PACRG: variants seen among roughly 807,000 people sequenced by gnomAD.
PACRG encodes parkin coregulated gene protein.
PACRG carries 29 observed loss-of-function variants against 29.7 expected under a neutral mutation model. That is an observed-to-expected ratio of 0.98 (90% CI 0.73 to 1.33). The LOEUF (loss-of-function observed/expected upper bound fraction) is 1.33. Ranked by LOEUF, PACRG falls within the 40% of genes most tolerant of loss-of-function variation. PACRG has a pLI of 0.00. For missense variants in PACRG, 279 were observed against 316.2 expected (o/e 0.88, Z 0.89); for synonymous variants, 116 against 118.7 (o/e 0.98, Z 0.15).
intron 2 of PACRG, among the ~76,000 whole-genome samples, chr6:163,001,920 G>A (rs982559744): frequency 6.6e-6 from 1 of 152,124 alleles, no homozygotes; most frequent in African/African-American, 2.4e-5. Context: ...CACTGATAGT[G>A]TACCCATCTA....
chr6:163,255,132 T>C (rs993118212), intron 4 of PACRG, among the ~76,000 whole-genome samples: 11 of 152,174 alleles, frequency 7.2e-5, no homozygotes, highest in African/African-American at 2.4e-4. Context: ...CCAGCTAGAA[T>C]AGCACCTCTC....
chr6:163,174,416 C>G (rs1029159650), intron 4 of PACRG, among the ~76,000 whole-genome samples: 1 of 152,208 alleles, frequency 6.6e-6, no homozygotes, highest in Non-Finnish European at 1.5e-5. Flanking sequence ...CCCAAAACTT[C>G]AGGTTCCCAG....
At chr6:162,978,127 G>C (rs1802108457) in intron 2 of PACRG, among the ~76,000 whole-genome samples, 1 of 145,522 alleles carries the variant, frequency 6.9e-6, no homozygotes, top group Non-Finnish European at 1.5e-5. Context: ...CTGGGTGACA[G>C]AGTGAGACTC....
At chr6:163,017,695 C>T (rs181139694) in intron 2 of PACRG, among the ~76,000 whole-genome samples, 3 of 152,076 alleles carry the variant, frequency 2.0e-5, no homozygotes, top group East Asian at 3.9e-4. Context: ...GACAGACAGA[C>T]GGACAGAGAT....
At chr6:163,032,321 T>C (rs1021511605) in intron 2 of PACRG, among the ~76,000 whole-genome samples, 12 of 146,984 alleles carry the variant, frequency 8.2e-5, no homozygotes, top group Non-Finnish European at 8.8e-5. Context: ...ACATTTCAGC[T>C]CTCTATGAGA....
chr6:163,062,126 C>A (rs779071925), intron 2 of PACRG, 24 bp from the exon 3 acceptor site: 1 of 1,610,660 alleles, frequency 6.2e-7, no homozygotes, highest in Admixed American at 1.7e-5. Context: ...TTTCACATGG[C>A]GTCTCTTCTT....
intron 4 of PACRG, among the ~76,000 whole-genome samples, chr6:163,118,701 A>T (rs1013369084): frequency 6.6e-6 from 1 of 152,194 alleles, no homozygotes; most frequent in Non-Finnish European, 1.5e-5. Flanking sequence ...CTTAGGAGAC[A>T]TCTGGTTTCT....
chr6:163,233,526 C>T (rs1345426701), intron 4 of PACRG, among the ~76,000 whole-genome samples: 2 of 152,180 alleles, frequency 1.3e-5, no homozygotes, highest in Admixed American at 6.5e-5. Context: ...ATGCATTTCA[C>T]TGTGTGAGAA....
rs151179740 is a variant in PACRG at position 163,209,696 on chromosome 6, G to A, written c.614-105131G>A. Among the ~76,000 whole-genome samples, 254 of 152,148 alleles carry A rather than the reference G, an allele frequency of 1.7e-3. 3 individuals carry two copies. The highest frequency in any genetic ancestry group is 5.4e-3 in the African/African-American group (224 of 41,516). On this transcript the variant is annotated intron_variant, in intron 4 of 4. Transcript: ENST00000366888. ...GCATACATCAACCTAGTTAATACCT[G>A]AACAAGACAACATATCCAAGCCATA...
chr6:162,806,577 A>C (rs1786350397), intron 1 of PACRG, among the ~76,000 whole-genome samples: 1 of 152,182 alleles, frequency 6.6e-6, no homozygotes, highest in African/African-American at 2.4e-5. Flanking sequence ...GTCAATGAGG[A>C]GAATACTTTG....
intron 4 of PACRG, among the ~76,000 whole-genome samples, chr6:163,222,943 T>G (rs866862227): frequency 1.3e-5 from 2 of 152,222 alleles, no homozygotes; most frequent in Admixed American, 6.5e-5. Flanking sequence ...TTAATGATTA[T>G]GTAGCTCAAA....
At chr6:163,197,588 C>G (rs531994487) in intron 4 of PACRG, among the ~76,000 whole-genome samples, 1 of 149,236 alleles carries the variant, frequency 6.7e-6, no homozygotes, top group African/African-American at 2.5e-5. Flanking sequence ...GGACTACAGG[C>G]GCCCGCCACC....
intron 4 of PACRG, among the ~76,000 whole-genome samples, chr6:163,187,269 C>A (rs917742567): frequency 2.0e-5 from 3 of 152,268 alleles, no homozygotes; most frequent in Middle Eastern, 3.4e-3. Context: ...GATCTGTTCG[C>A]GGCCTCTGCT....
At chr6:163,269,786 A>AGAC (rs1783669645) in intron 4 of PACRG, among the ~76,000 whole-genome samples, 1 of 90,436 alleles carries the variant, frequency 1.1e-5, no homozygotes, top group African/African-American at 4.2e-5. Flanking sequence ...GACAGACAGA[A>AGAC]AGAAAGAAAG....
intron 2 of PACRG, among the ~76,000 whole-genome samples, chr6:162,881,964 G>A (rs1349940268): frequency 7.6e-6 from 1 of 131,346 alleles, no homozygotes; most frequent in Non-Finnish European, 1.6e-5. Context: ...AGATGGGTGG[G>A]GGGGGGCACT....
intron 2 of PACRG, among the ~76,000 whole-genome samples, chr6:163,033,892 C>T (rs981208998): frequency 6.6e-6 from 1 of 152,140 alleles, no homozygotes; most frequent in Non-Finnish European, 1.5e-5. Flanking sequence ...TTACAGGTGT[C>T]CTAAGCCCAT....
At chr6:162,816,643 C>T (rs757737116) in intron 2 of PACRG, among the ~76,000 whole-genome samples, 9 of 152,170 alleles carry the variant, frequency 5.9e-5, no homozygotes, top group South Asian at 2.1e-4. Flanking sequence ...TGAGCCACCG[C>T]GCCCAGCCAA....
rs1174985976 is a variant in PACRG, at chr6:163,249,548, G to A, written c.614-65279G>A. On this transcript the variant is annotated intron_variant, in intron 4 of 4. Transcript: ENST00000366888. The stretch of plus-strand genomic sequence containing the variant: ...TTCAGAAGGGGGATCCTGATGGGCC[G>A]GAAGTGGAGCCAACTCTCTCGCCTC... 3.3e-5 allele frequency among the ~76,000 whole-genome samples: 5 copies of A among 152,182 alleles called. No homozygotes were observed. The East Asian group carries it at 7.7e-4, about 23-fold the overall frequency.
chr6:163,169,344 T>A lies in PACRG; in HGVS notation c.613+79936T>A, dbSNP rs1778958156. On this transcript the variant is annotated intron_variant, in intron 4 of 4. Coordinates refer to ENST00000366888, the MANE Select transcript of PACRG (RefSeq NM_001080379.2). ...CAGCCTGGAGAAAATGAGGCGTCGG[T>A]GGGAGCAGGCAGAGCTGCATCTGTC... 2.0e-5 allele frequency among the ~76,000 whole-genome samples: 3 copies of A among 152,148 alleles called. No homozygotes were observed. The South Asian group carries it at 6.2e-4, about 32-fold the overall frequency.
Sources: gnomAD v4.1 joint callset for allele counts (sites outside exome capture counted in the v4.1 genomes callset) on GRCh38, gnomAD v4.1.1 for gene constraint, MANE v1.5 for transcripts, NCBI Gene and HGNC (gene_info 2026-07-23, HGNC 2026-07-21) for gene names.